The following MARCHF1 variants were observed in gnomAD, a reference collection of about 807,000 sequenced individuals.
The protein encoded by MARCHF1 is E3 ubiquitin-protein ligase MARCHF1.
A neutral mutation model predicts 54.2 loss-of-function variants in MARCHF1; 40 were observed. That is an observed-to-expected ratio of 0.74 (90% CI 0.57 to 0.96). The LOEUF is 0.96. MARCHF1 is among the 40% of genes least tolerant of loss of function. The pLI is 0.00. For synonymous variants in MARCHF1, 236 were observed against 236.3 expected (o/e 1.00, Z 0.01); for missense variants, 586 against 656.5 (o/e 0.89, Z 1.17).
intron 3 of MARCHF1, among the ~76,000 whole-genome samples, chr4:163,903,700 T>C (rs2111313655): frequency 1.3e-5 from 2 of 152,176 alleles, no homozygotes; most frequent in Middle Eastern, 6.8e-3. Flanking sequence ...AACGTCTGCA[T>C]CCCAGGCTCA....
At chr4:164,006,571 C>T (rs191299871) in intron 2 of MARCHF1, among the ~76,000 whole-genome samples, 22 of 152,132 alleles carry the variant, frequency 1.4e-4, no homozygotes, top group Admixed American at 1.4e-3. Context: ...GAAGAAATCA[C>T]AACAAAAAAC....
At chr4:163,914,567 G>A (rs1226939192) in intron 3 of MARCHF1, among the ~76,000 whole-genome samples, 1 of 152,020 alleles carries the variant, frequency 6.6e-6, no homozygotes, top group African/African-American at 2.4e-5. Context: ...AAAAGTAAAA[G>A]TGATAAATAT....
chr4:163,871,722 T>C (rs1275009008), intron 3 of MARCHF1, among the ~76,000 whole-genome samples: 4 of 152,206 alleles, frequency 2.6e-5, no homozygotes, highest in Non-Finnish European at 4.4e-5. Context: ...TTATATCATA[T>C]GAAAATCATA....
At chr4:163,890,403 C>A (rs1289871731) in intron 3 of MARCHF1, among the ~76,000 whole-genome samples, 1 of 151,716 alleles carries the variant, frequency 6.6e-6, no homozygotes, top group Non-Finnish European at 1.5e-5. Flanking sequence ...TTGTTTGCTA[C>A]TTGAAGGACA....
intron 4 of MARCHF1, among the ~76,000 whole-genome samples, chr4:163,782,864 GC>G (rs1412464850): frequency 1.3e-5 from 2 of 152,006 alleles, no homozygotes; most frequent in African/African-American, 4.8e-5. Flanking sequence ...CATTGGGCTT[GC>G]AAAAGAATTT....
intron 2 of MARCHF1, among the ~76,000 whole-genome samples, chr4:164,100,848 T>G (rs1165220594): frequency 6.6e-6 from 1 of 152,118 alleles, no homozygotes; most frequent in African/African-American, 2.4e-5. Flanking sequence ...CCATCTGAGG[T>G]ACCGGGTTCA....
At chr4:164,237,857 G>C (rs758628389) in intron 1 of MARCHF1, among the ~76,000 whole-genome samples, 1 of 151,574 alleles carries the variant, frequency 6.6e-6, no homozygotes, top group Non-Finnish European at 1.5e-5. Flanking sequence ...TAAAAAGACT[G>C]GATACAACCT....
At chr4:163,592,629 T>C (rs986785264) in intron 7 of MARCHF1, among the ~76,000 whole-genome samples, 9 of 152,144 alleles carry the variant, frequency 5.9e-5, no homozygotes, top group African/African-American at 2.2e-4. Flanking sequence ...CTTATTTGAA[T>C]TCACAGACAT....
intron 4 of MARCHF1, among the ~76,000 whole-genome samples, chr4:163,799,212 C>T (rs551024548): frequency 1.4e-4 from 22 of 152,186 alleles, no homozygotes; most frequent in African/African-American, 3.4e-4. Context: ...CTGGATAGTG[C>T]GGACTGAGAG....
chr4:163,600,017 T>A (rs1740907689), intron 7 of MARCHF1, among the ~76,000 whole-genome samples: 1 of 152,170 alleles, frequency 6.6e-6, no homozygotes, highest in African/African-American at 2.4e-5. Flanking sequence ...CTTCAGGAGC[T>A]GAAGGAAAAT....
At chr4:163,945,723 A>G (rs1339248086) in intron 3 of MARCHF1, among the ~76,000 whole-genome samples, 1 of 152,222 alleles carries the variant, frequency 6.6e-6, no homozygotes, top group Non-Finnish European at 1.5e-5. Flanking sequence ...TTCAATGGAT[A>G]AAACATTACA....
chr4:163,891,512 A>G (rs1750659860), intron 3 of MARCHF1, among the ~76,000 whole-genome samples: 1 of 152,016 alleles, frequency 6.6e-6, no homozygotes, highest in Admixed American at 6.6e-5. Context: ...ACTTTTGCCT[A>G]CAGAAATTTA....
At chr4:163,931,627 C>T (rs1486987075) in intron 3 of MARCHF1, among the ~76,000 whole-genome samples, 2 of 152,140 alleles carry the variant, frequency 1.3e-5, no homozygotes, top group Non-Finnish European at 2.9e-5. Flanking sequence ...TTATAAGCTA[C>T]CAGGCTATGG....
intron 2 of MARCHF1, among the ~76,000 whole-genome samples, chr4:164,053,028 T>C (rs1451219448): frequency 1.3e-5 from 2 of 152,166 alleles, no homozygotes; most frequent in Non-Finnish European, 2.9e-5. Flanking sequence ...AAAGAATATA[T>C]AATTAAGTCT....
At chr4:163,529,166 AAAT>A (rs150105036) in intron 9 of MARCHF1, 120 bp from the exon 10 acceptor site, 289,891 of 674,324 alleles carry the variant, frequency 0.43, 65,183 homozygotes, top group Admixed American at 0.56. Context: ...ATGTTAACAG[AAAT>A]AATATATTCT....
chr4:163,853,249 TAATA>T (rs1749687657), intron 4 of MARCHF1, among the ~76,000 whole-genome samples: 1 of 152,202 alleles, frequency 6.6e-6, no homozygotes, highest in Admixed American at 6.5e-5. Flanking sequence ...GTTCAACTGC[TAATA>T]AATCAGGCTA....
At chr4:164,238,231 C>T (rs932913688) in intron 1 of MARCHF1, among the ~76,000 whole-genome samples, 2 of 152,008 alleles carry the variant, frequency 1.3e-5, no homozygotes, top group South Asian at 4.1e-4. Context: ...CAAAAGCAAA[C>T]TCAGAAAACC....
chr4:163,552,276 A>C (rs2036904), intron 8 of MARCHF1, among the ~76,000 whole-genome samples: 3,306 of 152,312 alleles, frequency 0.022, 108 homozygotes, highest in African/African-American at 0.068. Context: ...GGAAACAGTG[A>C]GGAATGGGCC....
At chr4:163,580,062 A>ATTTATTTATTTAT (rs1553993936) in intron 8 of MARCHF1, among the ~76,000 whole-genome samples, 2 of 144,212 alleles carry the variant, frequency 1.4e-5, no homozygotes, top group African/African-American at 2.6e-5. Context: ...AGCCTTATTT[A>ATTTATTTATTTAT]TTATTTATTT....
Sources: allele counts gnomAD v4.1 joint callset (sites outside exome capture counted in the v4.1 genomes callset), GRCh38; gene constraint gnomAD v4.1.1; transcripts MANE v1.5; gene names NCBI Gene and HGNC (gene_info 2026-07-23, HGNC 2026-07-21).